Variants in RYR2 observed in about 807,000 individuals in gnomAD.
RYR2 encodes ryanodine receptor 2.
RYR2 carries 227 observed loss-of-function variants against 601.1 expected under a neutral mutation model. The ratio of observed to expected loss-of-function variants is 0.38; its 90% confidence interval spans 0.34 to 0.42. RYR2 has a LOEUF of 0.42. RYR2 is among the 10% of genes least tolerant of loss of function. The pLI is 1.00. For synonymous variants in RYR2, 2,223 were observed against 2,175.1 expected (o/e 1.02, Z -0.61); for missense variants, 4,646 against 6,156.5 (o/e 0.75, Z 8.21).
At position 237,700,259 on chromosome 1, in the gene RYR2, T is replaced by C. The variant is rs1386086160; in HGVS notation, c.9159T>C (p.Val3053=). The C allele has an allele frequency of 2.5e-6, 4 of 1,577,222 alleles. No homozygotes were observed. The highest frequency in any genetic ancestry group is 3.4e-6 in the Non-Finnish European group (4 of 1,160,278). Residue 3053 remains valine (V), a synonymous_variant, in exon 65 of 105, where the codon GTT becomes GTC. Transcript: ENST00000366574. ...RTVMKTGLES[V]KSALRAFLDN... ...TGATGAAGACTGGCCTGGAGAGTGT[T>C]AAAAGTGCACTCAGAGCTTTTCTGG...
chr1:237,373,051 C>T (rs1479423982), intron 6 of RYR2, among the ~76,000 whole-genome samples: 2 of 152,106 alleles, frequency 1.3e-5, no homozygotes, highest in Non-Finnish European at 2.9e-5. Flanking sequence ...GAAAAAATTA[C>T]AAAAGACTTT....
At chr1:237,249,003 G>A (rs1368106199) in intron 1 of RYR2, among the ~76,000 whole-genome samples, 1 of 152,118 alleles carries the variant, frequency 6.6e-6, no homozygotes, top group Non-Finnish European at 1.5e-5. Context: ...AATCTCAGGT[G>A]ATTCACCTGC....
At chr1:237,679,866 G>A (rs1685711815) in intron 61 of RYR2, among the ~76,000 whole-genome samples, 1 of 152,190 alleles carries the variant, frequency 6.6e-6, no homozygotes, top group African/African-American at 2.4e-5. Context: ...TGGCGTGTAC[G>A]AGGCCAGGTG....
chr1:237,079,818 C>G (rs1218793473), intron 1 of RYR2, among the ~76,000 whole-genome samples: 1 of 138,446 alleles, frequency 7.2e-6, no homozygotes, highest in South Asian at 2.2e-4. Context: ...CCCGCATTGC[C>G]AAGTCAATCC....
chr1:237,310,799 G>C lies in RYR2; in HGVS notation c.169-20079G>C, dbSNP rs572407053. 2.0e-5 allele frequency among the ~76,000 whole-genome samples: 3 copies of C among 152,194 alleles called. No homozygotes were observed. The South Asian group carries it at 6.2e-4, about 32-fold the overall frequency. On this transcript the variant is annotated intron_variant, in intron 2 of 104. Coordinates refer to ENST00000366574, the MANE Select transcript of RYR2 (RefSeq NM_001035.3). ...ATTTTTATCCAAAATAGGTAAGAAA[G>C]AAACAAAATTTCATTAATATTTACT...
intron 80 of RYR2, among the ~76,000 whole-genome samples, chr1:237,746,973 T>C (rs1033575869): frequency 3.3e-5 from 5 of 152,202 alleles, no homozygotes; most frequent in African/African-American, 1.2e-4. Flanking sequence ...ATTTATTAAC[T>C]ATGATTTTAT....
Position 237,496,023 on chromosome 1 carries a change from C to A in RYR2, c.1962-488C>A, listed in dbSNP as rs180694692. Among the ~76,000 whole-genome samples the A allele has an allele frequency of 6.2e-4, 94 of 152,262 alleles. No homozygotes were observed. In the Middle Eastern group the frequency reaches 0.017, roughly 28 times the overall value. On this transcript the variant is annotated intron_variant, in intron 19 of 104. Transcript: ENST00000366574. ...GAAGCTGGCTTTCTCTGTGTACTAC[C>A]TCAGTGGTAGTTTTAATAATTTTTT...
intron 1 of RYR2, among the ~76,000 whole-genome samples, chr1:237,122,230 G>A (rs973939121): frequency 6.6e-6 from 1 of 152,236 alleles, no homozygotes; most frequent in African/African-American, 2.4e-5. Flanking sequence ...CACATCAGTG[G>A]TGAAGTCCCT....
At chr1:237,352,769 T>C in intron 3 of RYR2, 1 of 450,246 alleles carries the variant, frequency 2.2e-6, no homozygotes, top group South Asian at 1.6e-5. Flanking sequence ...CATAAGTAGA[T>C]CTGTACATTT....
At chr1:237,592,094 GCT>G (rs1359566412) in intron 32 of RYR2, among the ~76,000 whole-genome samples, 2 of 152,052 alleles carry the variant, frequency 1.3e-5, no homozygotes, top group African/African-American at 4.8e-5. Flanking sequence ...TCTTAATTTT[GCT>G]CTGTTTCTTG....
rs780992383 is a variant in RYR2, at chr1:237,779,378, A to AAGAT, written c.11880+610_11880+613dup. ...CTGTATTTGTTTCATTTGAAACAAA[A>AAGAT]AGATACACAAACAGAAAAGTTCTTG... is the stretch of plus-strand genomic sequence containing the variant. On this transcript the variant is annotated intron_variant, in intron 88 of 104. Transcript: ENST00000366574. Among the ~76,000 whole-genome samples the AAGAT allele has an allele frequency of 5.3e-4, 80 of 152,360 alleles. No homozygotes were observed. In the Middle Eastern group the frequency reaches 0.01, roughly 19 times the overall value.
At chr1:237,168,597 A>G (rs1308617890) in intron 1 of RYR2, among the ~76,000 whole-genome samples, 1 of 152,068 alleles carries the variant, frequency 6.6e-6, no homozygotes, top group East Asian at 1.9e-4. Context: ...GGGTGAAAAA[A>G]TGTCTATCCA....
intron 3 of RYR2, chr1:237,333,606 T>C (rs1031678099): frequency 4.4e-6 from 2 of 455,942 alleles, no homozygotes; most frequent in Admixed American, 2.4e-5. Context: ...TTCATAAGGA[T>C]GTGCACCAGC....
chr1:237,088,503 C>T (rs1174033902), intron 1 of RYR2, among the ~76,000 whole-genome samples: 1 of 152,220 alleles, frequency 6.6e-6, no homozygotes, highest in Non-Finnish European at 1.5e-5. Flanking sequence ...AATTTATTAT[C>T]TCAAACTCCT....
chr1:237,052,824 C>T (rs1572460106), intron 1 of RYR2, among the ~76,000 whole-genome samples: 1 of 152,000 alleles, frequency 6.6e-6, no homozygotes, highest in East Asian at 1.9e-4. Flanking sequence ...TCCCTGATGC[C>T]CTTTGCCTCT....
chr1:237,702,817 C>T (rs1688073205), intron 66 of RYR2, among the ~76,000 whole-genome samples: 1 of 151,852 alleles, frequency 6.6e-6, no homozygotes, highest in African/African-American at 2.4e-5. Flanking sequence ...TTTGGCCTAC[C>T]AAATATTAAA....
intron 2 of RYR2, among the ~76,000 whole-genome samples, chr1:237,289,390 T>G (rs1190289853): frequency 6.6e-6 from 1 of 152,172 alleles, no homozygotes; most frequent in East Asian, 1.9e-4. Context: ...GACTGGATAA[T>G]TTATAAAGGA....
At chr1:237,314,359 C>T (rs1445361128) in intron 2 of RYR2, among the ~76,000 whole-genome samples, 2 of 152,052 alleles carry the variant, frequency 1.3e-5, no homozygotes, top group Non-Finnish European at 2.9e-5. Flanking sequence ...CCACCATGCC[C>T]GGCCAACATG....
intron 25 of RYR2, among the ~76,000 whole-genome samples, chr1:237,539,791 A>G (rs1032356513): frequency 5.3e-5 from 8 of 152,180 alleles, no homozygotes; most frequent in Non-Finnish European, 1.5e-5. Flanking sequence ...CCACCATGGC[A>G]CACGTTTACC....
Sources: allele counts gnomAD v4.1 joint callset (sites outside exome capture counted in the v4.1 genomes callset), GRCh38; gene constraint gnomAD v4.1.1; transcripts MANE v1.5; gene names NCBI Gene and HGNC (gene_info 2026-07-23, HGNC 2026-07-21).